BCAS3: variants seen among roughly 807,000 people sequenced by gnomAD.
BCAS3 encodes the protein BCAS3 microtubule associated cell migration factor.
In BCAS3, 53 loss-of-function variants were observed where a neutral mutation model predicts 116.1. That is an observed-to-expected ratio of 0.46 (90% confidence interval 0.37 to 0.57). The LOEUF (loss-of-function observed/expected upper bound fraction) is 0.57. Ranked by LOEUF, BCAS3 falls within the 20% of genes least tolerant of loss-of-function variation. The pLI is 0.00. For missense variants in BCAS3, 917 were observed against 1,165.4 expected, an observed-to-expected ratio of 0.79 and a Z score of 3.10; for synonymous variants, 391 against 408.2, an observed-to-expected ratio of 0.96 and a Z score of 0.51.
In BCAS3 at chr17:61,161,224, A is replaced by G. The variant is rs2078150703; in HGVS notation, c.2425+76660A>G. 6.6e-6 allele frequency among the ~76,000 whole-genome samples: 1 copy of G among 152,256 alleles called. No individual in the cohort carries two copies. The highest frequency in any genetic ancestry group is 1.5e-5 in the Non-Finnish European group (1 of 68,044). On this transcript the variant is annotated intron_variant, in intron 22 of 23. Transcript: ENST00000407086. This position sits in a 1 kb window ranked among gnomAD's most constrained non-coding sequence, Gnocchi z 4.8. ...CAGCAAGAGTTGCAATCTGAGAGTAATATGAAACATTTTGGTTTGGCTGCC... is the reference window on the plus strand; with the variant it reads ...CAGCAAGAGTTGCAATCTGAGAGTAGTATGAAACATTTTGGTTTGGCTGCC...
At chr17:60,965,329 C>A (rs1405844109) in intron 14 of BCAS3, among the ~76,000 whole-genome samples, 2 of 147,804 alleles carry the variant, frequency 1.4e-5, no homozygotes, top group East Asian at 4.0e-4. Context: ...TCAAGTGATT[C>A]TCCTGCCTCA....
In BCAS3 at chr17:61,005,073, C is replaced by T. The variant is rs529009176; in HGVS notation, c.1487-10678C>T. Among the ~76,000 whole-genome samples, 7 of 152,168 alleles carry T rather than the reference C, an allele frequency of 4.6e-5. No individual in the cohort carries two copies. The East Asian group carries it at 1.2e-3, about 25-fold the overall frequency. Reference sequence around the variant, plus strand: ...TGATTAGGAAAGTGTTTCGGCTTGACAGGGAATTACAGGGAAAGAAGAGTC... The same window carrying T: ...TGATTAGGAAAGTGTTTCGGCTTGATAGGGAATTACAGGGAAAGAAGAGTC... On this transcript the variant is annotated intron_variant, in intron 15 of 23. Transcript: ENST00000407086.
chr17:61,279,304 TC>T lies in BCAS3; in HGVS notation c.2426-89022del, dbSNP rs1251823161. ...GTTAGGTGAATTATATCTCAATAAA[TC>T]TTTTTTTTTTTAAGGCAGCCTAGGT... On this transcript the variant is annotated intron_variant, in intron 22 of 23. Coordinates refer to ENST00000407086, the MANE Select transcript of BCAS3 (RefSeq NM_017679.5). The surrounding 1 kb of genome is among the most constrained non-coding windows in gnomAD (Gnocchi z 4.4). Among the ~76,000 whole-genome samples, 2 of 152,018 alleles carry T rather than the reference TC, an allele frequency of 1.3e-5. No individual in the cohort carries two copies. Among genetic ancestry groups the T allele is most frequent in the African/African-American group, 2.4e-5 (1 of 41,382 alleles).
At chr17:60,690,906 C>A (rs1214437792) in intron 4 of BCAS3, among the ~76,000 whole-genome samples, 1 of 151,660 alleles carries the variant, frequency 6.6e-6, no homozygotes, top group African/African-American at 2.4e-5. Context: ...GGCGACAGAG[C>A]GAGACTTTGT....
At position 61,228,050 on chromosome 17, in the gene BCAS3, A is replaced by G. The variant is rs2082461201; in HGVS notation, c.2426-140277A>G. Among the ~76,000 whole-genome samples, 6 of 152,092 alleles carry G rather than the reference A, an allele frequency of 3.9e-5. No homozygotes were observed. The highest frequency in any genetic ancestry group is 3.9e-4 in the Admixed American group (6 of 15,268). Reference sequence around the variant, plus strand: ...ACAGGTTTTGCATCTGGTTTTCCTAAGAAGGCCCCTTCCTTTACACACATT... The same window carrying G: ...ACAGGTTTTGCATCTGGTTTTCCTAGGAAGGCCCCTTCCTTTACACACATT... On this transcript the variant is annotated intron_variant, in intron 22 of 23. Coordinates refer to ENST00000407086, the MANE Select transcript of BCAS3 (RefSeq NM_017679.5). This position sits in a 1 kb window ranked among gnomAD's most constrained non-coding sequence, Gnocchi z 5.0.
rs751397506 is a variant in BCAS3 at position 61,020,470 on chromosome 17, T to C, written c.1637+4569T>C. Among the ~76,000 whole-genome samples the C allele has an allele frequency of 1.3e-5, 2 of 152,174 alleles. No homozygotes were observed. Among genetic ancestry groups the C allele is most frequent in the African/African-American group, 2.4e-5 (1 of 41,440 alleles). On this transcript the variant is annotated intron_variant, in intron 16 of 23. Transcript: ENST00000407086. This position sits in a 1 kb window ranked among gnomAD's most constrained non-coding sequence, Gnocchi z 4.5. Reference sequence around the variant, plus strand: ...TATACATTGATGGAGGTAAAAGAAGTGTTAGACATTATTTGGCTCCAATAA... The same window carrying C: ...TATACATTGATGGAGGTAAAAGAAGCGTTAGACATTATTTGGCTCCAATAA...
chr17:61,271,967 G>A (rs540101572), intron 22 of BCAS3, among the ~76,000 whole-genome samples: 8 of 146,482 alleles, frequency 5.5e-5, no homozygotes, highest in African/African-American at 2.2e-4. Flanking sequence ...ACACCACCAT[G>A]CCCAGCTATT....
chr17:60,928,374 T>C (rs1599747426), intron 13 of BCAS3, among the ~76,000 whole-genome samples: 2 of 152,294 alleles, frequency 1.3e-5, no homozygotes, highest in East Asian at 3.9e-4. Context: ...AAGAAAAATA[T>C]GGTACATTTG....
chr17:61,023,886 A>G lies in BCAS3; in HGVS notation c.1637+7985A>G, dbSNP rs1256258752. Among the ~76,000 whole-genome samples the G allele has an allele frequency of 1.3e-5, 2 of 152,186 alleles. No homozygotes were observed. Among genetic ancestry groups the G allele is most frequent in the African/African-American group, 2.4e-5 (1 of 41,440 alleles). On this transcript the variant is annotated intron_variant, in intron 16 of 23. Coordinates refer to ENST00000407086, the MANE Select transcript of BCAS3 (RefSeq NM_017679.5). This position sits in a 1 kb window ranked among gnomAD's most constrained non-coding sequence, Gnocchi z 4.8. ...TTATGACAAATTGAGTAGGTTTTAT[A>G]TGGCATATTTGTTAAGCCTGCTAAA...
At chr17:60,703,947 A>AG (rs1273798708) in intron 4 of BCAS3, among the ~76,000 whole-genome samples, 1 of 151,860 alleles carries the variant, frequency 6.6e-6, no homozygotes, top group East Asian at 1.9e-4. Context: ...GAAAAAAAAA[A>AG]GAAAGACTTA....
At chr17:61,154,239 C>T (rs994766844) in intron 22 of BCAS3, among the ~76,000 whole-genome samples, 1 of 152,122 alleles carries the variant, frequency 6.6e-6, no homozygotes, top group South Asian at 2.1e-4. Context: ...GAAGAAAACT[C>T]ATGTAATACA....
intron 1 of BCAS3, among the ~76,000 whole-genome samples, chr17:60,678,160 G>T (rs1414786480): frequency 1.3e-5 from 2 of 152,192 alleles, no homozygotes; most frequent in Admixed American, 1.3e-4. Context: ...GCTGGCGAGG[G>T]TCGTCCCCAG....
At chr17:61,298,791 A>ATTATTTATTTATTTAT (rs144760223) in intron 22 of BCAS3, among the ~76,000 whole-genome samples, 3 of 145,456 alleles carry the variant, frequency 2.1e-5, no homozygotes, top group South Asian at 2.2e-4. Flanking sequence ...GTCACATGCC[A>ATTATTTATTTATTTAT]TTATTTATTT....
In BCAS3 at chr17:61,267,597, C is replaced by A. The variant is rs537563638; in HGVS notation, c.2426-100730C>A. Among the ~76,000 whole-genome samples, 428 of 148,954 alleles carry A rather than the reference C, an allele frequency of 2.9e-3. 1 individual carries two copies. Among genetic ancestry groups the A allele is most frequent in the Admixed American group, 4.7e-3 (71 of 15,004 alleles). On this transcript the variant is annotated intron_variant, in intron 22 of 23. Transcript: ENST00000407086. ...TACTAAAATACAAAAATTAGCTGGG[C>A]ATGGTGATGTGTGCCTGTAATCCTC...
chr17:61,389,056 T>A (rs73991907), intron 23 of BCAS3: 4,441 of 280,520 alleles, frequency 0.016, 194 homozygotes, highest in African/African-American at 0.092. Context: ...GGATACAGAG[T>A]TAAGGCACAG....
At chr17:61,001,664 TGTGGGGGGATATC>T (rs2064247255) in intron 15 of BCAS3, among the ~76,000 whole-genome samples, 1 of 152,130 alleles carries the variant, frequency 6.6e-6, no homozygotes, top group African/African-American at 2.4e-5. Flanking sequence ...AGAAAAATCT[TGTGGGGGGATATC>T]TTAGTTTAGT....
intron 14 of BCAS3, among the ~76,000 whole-genome samples, chr17:60,968,226 A>AAAAATGAC (rs2061762732): frequency 3.3e-5 from 5 of 151,568 alleles, no homozygotes; most frequent in Admixed American, 1.3e-4. Flanking sequence ...ATTTTTTTTA[A>AAAAATGAC]TCCTTTTAGA....
Position 60,996,190 on chromosome 17 carries a change from T to C in BCAS3, c.1486+5955T>C, listed in dbSNP as rs902929824. 2.0e-5 allele frequency among the ~76,000 whole-genome samples: 3 copies of C among 151,996 alleles called. No individual in the cohort carries two copies. The Admixed American group carries it at 2.0e-4, about 10-fold the overall frequency. On this transcript the variant is annotated intron_variant, in intron 15 of 23. Coordinates refer to ENST00000407086, the MANE Select transcript of BCAS3 (RefSeq NM_017679.5). ...GAGGGCATTGAGAATAAGAGTGACATGATAATACTGTGTTTTGGCAGGACT... is the reference window on the plus strand; with the variant it reads ...GAGGGCATTGAGAATAAGAGTGACACGATAATACTGTGTTTTGGCAGGACT...
At chr17:61,253,065 G>A (rs1478836120) in intron 22 of BCAS3, among the ~76,000 whole-genome samples, 4 of 151,192 alleles carry the variant, frequency 2.6e-5, no homozygotes, top group African/African-American at 9.7e-5. Context: ...TAGTAGGGAT[G>A]GGGTTCCACC....
Sources: gnomAD v4.1 joint callset for allele counts (sites outside exome capture counted in the v4.1 genomes callset) on GRCh38, gnomAD v4.1.1 for gene constraint, Gnocchi (gnomAD v3.1) non-coding constraint, MANE v1.5 for transcripts, NCBI Gene and HGNC (gene_info 2026-07-23, HGNC 2026-07-21) for gene names.